Variants in EFTUD2 observed in about 807,000 individuals in gnomAD.
EFTUD2 encodes the protein elongation factor Tu GTP binding domain containing 2, also known as 116 kDa U5 small nuclear ribonucleoprotein component.
A neutral mutation model predicts 114.3 loss-of-function variants in EFTUD2; 9 were observed. The ratio of observed to expected loss-of-function variants is 0.08; its 90% confidence interval spans 0.05 to 0.14. The LOEUF is 0.14. Ranked by LOEUF, EFTUD2 falls within the 10% of genes least tolerant of loss-of-function variation. EFTUD2 has a pLI of 1.00. For synonymous variants in EFTUD2, 449 were observed against 462.3 expected (o/e 0.97, Z 0.37); for missense variants, 765 against 1,241.2 (o/e 0.62, Z 5.76).
Position 44,883,115 on chromosome 17 carries a change from A to C in EFTUD2, c.470T>G (p.Ile157Ser), listed in dbSNP as rs2051102812. The C allele has an allele frequency of 6.2e-7, 1 of 1,614,044 alleles. No individual in the cohort carries two copies. Among genetic ancestry groups the C allele is most frequent in the African/African-American group, 1.3e-5 (1 of 74,914 alleles). The change falls in exon 6 of 28, where the codon ATC becomes AGC. Residue 157 changes from isoleucine to serine, a missense_variant. Physicochemically the swap from Ile to Ser is moderately radical, Grantham distance 142. This residue lies in a region of EFTUD2 where 251 missense variants were observed against 357.7 expected (regional missense o/e 0.70). Transcript: ENST00000426333. ...DCLIEQTHPE[I>S]RKRYDQDLCY... The stretch of plus-strand genomic sequence containing the variant: ...TACATCTTGGTCATAGCGCTTTCTG[A>C]TTTCCGGGTGAGTCTGTTCAATTAA...
At chr17:44,853,993 T>C in intron 23 of EFTUD2, 2 of 1,351,934 alleles carry the variant, frequency 1.5e-6, no homozygotes. Context: ...AATCTCATCA[T>C]CCTCTTGATA....
chr17:44,883,610 G>C, intron 5 of EFTUD2, 39 bp downstream of exon 5: 1 of 1,587,070 alleles, frequency 6.3e-7, no homozygotes, highest in East Asian at 2.2e-5. Context: ...AGGTACAAAA[G>C]AGAAATCCTG....
intron 4 of EFTUD2, 122 bp from the exon 5 acceptor site, chr17:44,883,846 C>G (rs1203087655): frequency 7.4e-6 from 6 of 815,750 alleles, no homozygotes; most frequent in Non-Finnish European, 1.3e-5. Flanking sequence ...GGAGAGTGCT[C>G]AGGCAGATGT....
chr17:44,866,649 G>T (rs2050751601), intron 13 of EFTUD2, among the ~76,000 whole-genome samples: 1 of 152,124 alleles, frequency 6.6e-6, no homozygotes, highest in Non-Finnish European at 1.5e-5. Flanking sequence ...AAAGCGTCTG[G>T]ATTACAGGCC....
At chr17:44,877,815 AAACAAC>A (rs142050964) in intron 9 of EFTUD2, among the ~76,000 whole-genome samples, 33,000 of 149,554 alleles carry the variant, frequency 0.22, 4,028 homozygotes, top group Middle Eastern at 0.41. Flanking sequence ...CAAAAAAACA[AAACAAC>A]AACAACAACA....
chr17:44,893,790 G>A (rs1257562255), intron 2 of EFTUD2, among the ~76,000 whole-genome samples: 1 of 144,998 alleles, frequency 6.9e-6, no homozygotes, highest in Non-Finnish European at 1.5e-5. Context: ...GGGGGGGCAG[G>A]CATGGTGGCT....
At chr17:44,883,421 G>A (rs1232896396) in intron 5 of EFTUD2, 6 of 609,402 alleles carry the variant, frequency 9.8e-6, no homozygotes, top group Non-Finnish European at 1.7e-5. Flanking sequence ...CTTCTGTCCA[G>A]ATGTAGACAT....
chr17:44,854,077 A>C lies in EFTUD2; in HGVS notation c.2347+192T>G, dbSNP rs1419688042. On this transcript the variant is annotated intron_variant, in intron 23 of 27. Transcript: ENST00000426333. This position sits in a 1 kb window ranked among gnomAD's most constrained non-coding sequence, Gnocchi z 4.3. ...CAAATGACAGTTTAGAAATGACTTA[A>C]ATTTCCATTTCCAGGCTACACCACC... 13 of 1,413,442 alleles carry C rather than the reference A, an allele frequency of 9.2e-6. No individual in the cohort carries two copies. In the Admixed American group the frequency reaches 4.1e-4, roughly 45 times the overall value. 87.6% of individuals were successfully genotyped at this position (1,413,442 alleles called of 1,614,324 possible). A position where few individuals can be genotyped will look rare whatever the true frequency, so the allele number is the denominator to read the frequency against.
At chr17:44,897,215 CAAAAAAA>C (rs60766041) in intron 1 of EFTUD2, among the ~76,000 whole-genome samples, 7 of 66,550 alleles carry the variant, frequency 1.1e-4, no homozygotes, top group East Asian at 4.1e-4. Context: ...GACTCCGTCT[CAAAAAAA>C]AAAAAAAAAA....
At position 44,881,569 on chromosome 17, in the gene EFTUD2, G is replaced by A. The variant is rs2051073305; in HGVS notation, c.528+118C>T. ...AAGGAGATGGGATGTGAGAAGTGGA[G>A]AGAGAGGAGTAGGATATGAACTAAA... is the stretch of plus-strand genomic sequence containing the variant. On this transcript the variant is annotated intron_variant, in intron 7 of 27. Coordinates refer to ENST00000426333, the MANE Select transcript of EFTUD2 (RefSeq NM_004247.4). 2.8e-6 allele frequency: 3 copies of A among 1,070,422 alleles called. No individual in the cohort carries two copies. In the Admixed American group the frequency reaches 5.5e-5, roughly 20 times the overall value. 66.3% of individuals were successfully genotyped at this position (1,070,422 alleles called of 1,614,324 possible). A position where few individuals can be genotyped will look rare whatever the true frequency, so the allele number is the denominator to read the frequency against.
chr17:44,893,180 T>C (rs1409742467), intron 2 of EFTUD2, among the ~76,000 whole-genome samples: 3 of 151,848 alleles, frequency 2.0e-5, no homozygotes, highest in Non-Finnish European at 2.9e-5. Context: ...TGGAGTACAG[T>C]GGCACAATCT....
intron 9 of EFTUD2, among the ~76,000 whole-genome samples, chr17:44,877,648 A>G (rs1209078407): frequency 6.6e-6 from 1 of 151,822 alleles, no homozygotes; most frequent in Non-Finnish European, 1.5e-5. Flanking sequence ...TCTACAAAAA[A>G]TTCAAAAATT....
intron 1 of EFTUD2, chr17:44,895,863 G>A (rs2051374922): frequency 6.6e-6 from 1 of 152,208 alleles, no homozygotes; most frequent in Non-Finnish European, 1.5e-5. Flanking sequence ...GCATTTGGTT[G>A]TCATGTCTCT....
At chr17:44,859,464 G>C in intron 18 of EFTUD2, 1 of 531,700 alleles carries the variant, frequency 1.9e-6, no homozygotes, top group South Asian at 2.2e-5. Flanking sequence ...ATGGACATAA[G>C]CTAGCCCTTT....
At chr17:44,885,702 C>A (rs1597822537) in intron 3 of EFTUD2, among the ~76,000 whole-genome samples, 1 of 152,010 alleles carries the variant, frequency 6.6e-6, no homozygotes. Context: ...TCACTGTTAC[C>A]CAGGCTGAAG....
At chr17:44,875,379 A>T (rs2050928131) in intron 10 of EFTUD2, among the ~76,000 whole-genome samples, 1 of 151,970 alleles carries the variant, frequency 6.6e-6, no homozygotes, top group African/African-American at 2.4e-5. Context: ...AAATACAAAA[A>T]ATTAGCCGGG....
intron 1 of EFTUD2, among the ~76,000 whole-genome samples, chr17:44,896,140 G>A (rs1156825107): frequency 6.6e-6 from 1 of 152,188 alleles, no homozygotes; most frequent in Non-Finnish European, 1.5e-5. Flanking sequence ...TTAAGGTGAT[G>A]TTTGCCAGGC....
At chr17:44,886,522 T>C (rs1449016494) in intron 3 of EFTUD2, 63 bp downstream of exon 3, 24 of 1,585,878 alleles carry the variant, frequency 1.5e-5, no homozygotes, top group Middle Eastern at 1.7e-4. Context: ...TAAGGTTTGC[T>C]GAGAGCTATG....
intron 9 of EFTUD2, among the ~76,000 whole-genome samples, chr17:44,878,221 T>C (rs9914884): frequency 0.12 from 18,773 of 152,178 alleles, 1,243 homozygotes; most frequent in East Asian, 0.24. Flanking sequence ...GAATCATCAA[T>C]AGATGACAAA....
Sources: gnomAD v4.1 joint callset for allele counts (sites outside exome capture counted in the v4.1 genomes callset) on GRCh38, gnomAD v4.1.1 for gene constraint, gnomAD v4.1.1 regional missense constraint, Gnocchi (gnomAD v3.1) non-coding constraint, MANE v1.5 for transcripts, NCBI Gene and HGNC (gene_info 2026-07-23, HGNC 2026-07-21) for gene names.